The following PPP1R7 variants were observed in gnomAD, a reference collection of about 807,000 sequenced individuals.
PPP1R7 encodes the protein protein phosphatase 1 regulatory subunit 22.
In PPP1R7, 18 loss-of-function variants were observed where a neutral mutation model predicts 45.2. The ratio of observed to expected loss-of-function variants is 0.40; its 90% confidence interval spans 0.28 to 0.59. PPP1R7 has a LOEUF of 0.59. Among genes scored for constraint, PPP1R7 ranks in the 20% least tolerant of loss-of-function variants. The pLI, the probability that PPP1R7 is intolerant of heterozygous loss-of-function variation, is 0.46. For missense variants in PPP1R7, 314 were observed against 455.8 expected (o/e 0.69, Z 2.83); for synonymous variants, 181 against 183.4 (o/e 0.99, Z 0.11).
At chr2:241,157,118 GCTC>G (rs2067477928) in intron 2 of PPP1R7, among the ~76,000 whole-genome samples, 1 of 152,212 alleles carries the variant, frequency 6.6e-6, no homozygotes, top group Non-Finnish European at 1.5e-5. Flanking sequence ...GAGGATGCCG[GCTC>G]CGGGGTAGAG....
chr2:241,158,406 C>T (rs2067509026), intron 3 of PPP1R7, 78 bp from the exon 4 acceptor site: 3 of 1,435,520 alleles, frequency 2.1e-6, no homozygotes, highest in Non-Finnish European at 2.9e-6. Flanking sequence ...CTGCCCACTT[C>T]CAGGCCGCCT....
chr2:241,180,263 G>C (rs1295097296), intron 9 of PPP1R7, among the ~76,000 whole-genome samples: 1 of 151,864 alleles, frequency 6.6e-6, no homozygotes, highest in South Asian at 2.1e-4. Flanking sequence ...TGTCCTTTTT[G>C]TGTGTTTTGT....
At chr2:241,149,625 C>A (rs1186240463), upstream of PPP1R7, 7 of 1,537,252 alleles carry the variant, frequency 4.6e-6, no homozygotes, top group Non-Finnish European at 2.6e-6. Flanking sequence ...CCCTACGGCG[C>A]TTCGGAGGAG....
intron 1 of PPP1R7, 121 bp downstream of exon 1, chr2:241,150,668 C>T: frequency 1.5e-6 from 2 of 1,304,630 alleles, no homozygotes; most frequent in Non-Finnish European, 2.0e-6. Context: ...CGCGCGGCCC[C>T]CTGACAGCTG....
intron 8 of PPP1R7, among the ~76,000 whole-genome samples, chr2:241,168,805 C>G (rs1189192850): frequency 6.6e-6 from 1 of 152,202 alleles, no homozygotes; most frequent in Non-Finnish European, 1.5e-5. Flanking sequence ...ATTGGGAAAG[C>G]TACTGGCTGG....
chr2:241,150,312 G>GGAGGC, upstream of PPP1R7: 1 of 1,335,488 alleles, frequency 7.5e-7, no homozygotes, highest in Non-Finnish European at 9.6e-7. Context: ...CTGCTCTGGG[G>GGAGGC]GAGGCGCGGC....
chr2:241,157,685 C>T (rs953241589), intron 2 of PPP1R7, 122 bp from the exon 3 acceptor site: 2 of 876,300 alleles, frequency 2.3e-6, no homozygotes, highest in African/African-American at 3.4e-5. Context: ...CCATTGGTTC[C>T]TCCTCGGGGT....
At chr2:241,152,984 CCA>C (rs1221337183) in intron 1 of PPP1R7, among the ~76,000 whole-genome samples, 2 of 152,154 alleles carry the variant, frequency 1.3e-5, no homozygotes, top group Non-Finnish European at 2.9e-5. Context: ...TCCTCCCTGC[CCA>C]CAGTCTGATT....
At chr2:241,170,302 G>A (rs2067790912) in intron 9 of PPP1R7, among the ~76,000 whole-genome samples, 2 of 152,194 alleles carry the variant, frequency 1.3e-5, no homozygotes, top group South Asian at 2.1e-4. Context: ...CACAACAGAA[G>A]GAAATGTTGG....
In PPP1R7 at chr2:241,156,671, C is replaced by T. The variant is rs748663910; in HGVS notation, c.182-1136C>T. 4.1e-4 allele frequency among the ~76,000 whole-genome samples: 59 copies of T among 143,426 alleles called. 1 individual carries two copies. Among genetic ancestry groups the T allele is most frequent in the Non-Finnish European group, 6.8e-4 (46 of 67,568 alleles). The allele number at this position is 143,426 out of a possible 152,430, so 94.1% of individuals were successfully genotyped here. A position where few individuals can be genotyped will look rare whatever the true frequency, so the allele number is the denominator to read the frequency against. Reference sequence around the variant, plus strand: ...CCTGAACAGCAGAGTGAGACCCTGTCTCTTAAAAAAAAATTAATTTAAAAA... The same window carrying T: ...CCTGAACAGCAGAGTGAGACCCTGTTTCTTAAAAAAAAATTAATTTAAAAA... On this transcript the variant is annotated intron_variant, in intron 2 of 9. Coordinates refer to ENST00000234038, the MANE Select transcript of PPP1R7 (RefSeq NM_002712.3).
chr2:241,152,709 A>G (rs1187786867), intron 1 of PPP1R7, among the ~76,000 whole-genome samples: 2 of 152,232 alleles, frequency 1.3e-5, no homozygotes, highest in Non-Finnish European at 2.9e-5. Flanking sequence ...GTAATGTGTT[A>G]GTGCCTCATG....
At chr2:241,149,574 T>C (rs2067185227), upstream of PPP1R7, 9 of 1,400,518 alleles carry the variant, frequency 6.4e-6, no homozygotes, top group South Asian at 1.0e-4. Context: ...AGCCAGAGTC[T>C]AGAAGCCCGC....
chr2:241,182,598 G>A (rs2068023876), intron 9 of PPP1R7, 49 bp from the exon 10 acceptor site: 4 of 1,605,168 alleles, frequency 2.5e-6, no homozygotes, highest in Admixed American at 1.7e-5. Flanking sequence ...CCAGAGTCGA[G>A]GGCTGGGCTG....
intron 8 of PPP1R7, among the ~76,000 whole-genome samples, chr2:241,167,684 CAGT>C (rs2067742685): frequency 6.6e-6 from 1 of 152,072 alleles, no homozygotes; most frequent in Non-Finnish European, 1.5e-5. Flanking sequence ...AGAATTTTAC[CAGT>C]AGAAGTGCTA....
chr2:241,167,604 G>A lies in PPP1R7; in HGVS notation c.819+1163G>A, dbSNP rs983051477. On this transcript the variant is annotated intron_variant, in intron 8 of 9. Coordinates refer to ENST00000234038, the MANE Select transcript of PPP1R7 (RefSeq NM_002712.3). ...GCAGTCACCACCAAGCATCCACCGG[G>A]AGACAGACAATCTGCAGCACAGTTC... Among the ~76,000 whole-genome samples, 14 of 152,222 alleles carry A rather than the reference G, an allele frequency of 9.2e-5. 1 individual carries two copies. The highest frequency in any genetic ancestry group is 1.9e-4 in the Non-Finnish European group (13 of 68,044).
chr2:241,152,121 A>C (rs1027914618), intron 1 of PPP1R7, among the ~76,000 whole-genome samples: 2 of 152,160 alleles, frequency 1.3e-5, no homozygotes, highest in Non-Finnish European at 2.9e-5. Flanking sequence ...GTGGTGACTA[A>C]TTTGTTATAT....
intron 4 of PPP1R7, chr2:241,158,776 C>T: frequency 1.9e-6 from 1 of 535,896 alleles, no homozygotes; most frequent in Non-Finnish European, 3.3e-6. Context: ...GCCCAGGCAG[C>T]CAGTGACCTG....
chr2:241,160,380 C>G lies in PPP1R7; in HGVS notation c.483C>G (p.Asp161Glu), dbSNP rs773625194. The change falls in exon 6 of 10, where the codon GAC (aspartate) becomes GAG (glutamate). Residue 161 changes from aspartate (D) to glutamate (E), a missense_variant. Asp to Glu is a conservative substitution (Grantham distance 45). Coordinates refer to ENST00000234038, the MANE Select transcript of PPP1R7 (RefSeq NM_002712.3). Reference sequence around the variant, plus strand: ...TGCTGAGAAACATCGAAGGGGTTGACAAGTTGACACGACTGAAAAAACTCT... The same window carrying G: ...TGCTGAGAAACATCGAAGGGGTTGAGAAGTTGACACGACTGAAAAAACTCT... The part of the protein sequence containing the change: ...FNLLRNIEGV[D>E]KLTRLKKLFL... 2 of 1,612,328 alleles carry G rather than the reference C, an allele frequency of 1.2e-6. No homozygotes were observed. Among genetic ancestry groups the G allele is most frequent in the Non-Finnish European group, 1.7e-6 (2 of 1,179,538 alleles).
intron 1 of PPP1R7, among the ~76,000 whole-genome samples, chr2:241,151,189 C>T (rs1437639756): frequency 6.6e-6 from 1 of 152,200 alleles, no homozygotes. Context: ...TCTGTAGGTA[C>T]AGTCATATAC....
Sources: allele counts gnomAD v4.1 joint callset (sites outside exome capture counted in the v4.1 genomes callset), GRCh38; gene constraint gnomAD v4.1.1; transcripts MANE v1.5; gene names NCBI Gene and HGNC (gene_info 2026-07-23, HGNC 2026-07-21).